Variants in HFM1 observed in about 807,000 individuals in gnomAD.
HFM1 encodes helicase for meiosis 1.
Under a neutral mutation model 192.1 loss-of-function variants are expected in HFM1, and 169 were observed. The ratio of observed to expected loss-of-function variants is 0.88; its 90% confidence interval spans 0.78 to 1.00. The LOEUF (loss-of-function observed/expected upper bound fraction) is 1.00, where lower values mean the gene tolerates loss of function less well. HFM1 is among the 50% of genes least tolerant of loss of function. The pLI is 0.00. For synonymous variants in HFM1, 525 were observed against 537.8 expected (o/e 0.98, Z 0.33); for missense variants, 1,661 against 1,668.0 (o/e 1.00, Z 0.07).
At chr1:91,396,264 G>A in intron 3 of HFM1, 29 bp downstream of exon 3, 1 of 1,114,406 alleles carries the variant, frequency 9.0e-7, no homozygotes, top group Non-Finnish European at 1.3e-6. Context: ...GTATGGGTTT[G>A]GCTTCAAAAC....
At chr1:91,272,684 A>G (rs1314004057) in intron 34 of HFM1, among the ~76,000 whole-genome samples, 1 of 152,084 alleles carries the variant, frequency 6.6e-6, no homozygotes, top group African/African-American at 2.4e-5. Context: ...AATGACATCC[A>G]GGCTTTGAAT....
intron 28 of HFM1, among the ~76,000 whole-genome samples, chr1:91,314,938 C>G (rs541112433): frequency 1.5e-4 from 23 of 152,090 alleles, no homozygotes; most frequent in Non-Finnish European, 2.6e-4. Context: ...ACCTTGCATG[C>G]GACTTTTTGG....
At chr1:91,305,286 T>C (rs1649432220) in intron 30 of HFM1, among the ~76,000 whole-genome samples, 1 of 152,270 alleles carries the variant, frequency 6.6e-6, no homozygotes, top group Admixed American at 6.5e-5. Context: ...CAATATTGAC[T>C]TTCAATCCAC....
rs922551936 is a variant in HFM1, at chr1:91,353,308, A to C, written c.1686-9T>G. On this transcript the variant is annotated splice_polypyrimidine_tract_variant and intron_variant, in intron 13 of 38. Coordinates refer to ENST00000370425, the MANE Select transcript of HFM1 (RefSeq NM_001017975.6). ...ATGCATACTTCTGTAACCTATTTAA[A>C]AATACCATAAAATTATTGAGTTACT... 2.1e-6 allele frequency: 3 copies of C among 1,462,178 alleles called. No individual in the cohort carries two copies. The highest frequency in any genetic ancestry group is 2.8e-6 in the Non-Finnish European group (3 of 1,056,576). The allele number at this position is 1,462,178 out of a possible 1,614,324, so 90.6% of individuals were successfully genotyped here.
In HFM1 at chr1:91,323,285, C is replaced by T. The variant is rs1324509154; in HGVS notation, c.2428-86G>A. On this transcript the variant is annotated intron_variant, in intron 21 of 38. Coordinates refer to ENST00000370425, the MANE Select transcript of HFM1 (RefSeq NM_001017975.6). ...TCTCCAAATTTATTTATTTTTCATA[C>T]TGCCTTAAACCATCACAGTTTTATC... 6.6e-6 allele frequency: 5 copies of T among 761,104 alleles called. No homozygotes were observed. The East Asian group carries it at 1.0e-4, about 16-fold the overall frequency. The allele number at this position is 761,104 out of a possible 1,614,324, so 47.1% of individuals were successfully genotyped here. A position where few individuals can be genotyped will look rare whatever the true frequency, so the allele number is the denominator to read the frequency against.
Position 91,352,515 on chromosome 1 carries a change from AC to A in HFM1, c.1967del (p.Gly656ValfsTer14). 1 of 1,581,852 alleles carries A rather than the reference AC, an allele frequency of 6.3e-7. No individual in the cohort carries two copies. The highest frequency in any genetic ancestry group is 8.6e-7 in the Non-Finnish European group (1 of 1,167,046). On this transcript the variant is annotated frameshift_variant, in exon 16 of 39. Coordinates refer to ENST00000370425, the MANE Select transcript of HFM1 (RefSeq NM_001017975.6). LOFTEE classifies it high-confidence loss of function. ...TDILQMIGRA[G>X]RPQFDTTATA... ...AGTTATTGTCACTTACTTGAGGTCGACCAGCTCTACCAATCATCTGTAGAAT... is the reference window on the plus strand; with the variant it reads ...AGTTATTGTCACTTACTTGAGGTCGACAGCTCTACCAATCATCTGTAGAAT...
intron 36 of HFM1, among the ~76,000 whole-genome samples, chr1:91,263,087 G>C (rs560626157): frequency 1.3e-4 from 20 of 152,094 alleles, no homozygotes; most frequent in Non-Finnish European, 2.6e-4. Context: ...ACTAGAAGCT[G>C]TGTATGAAGT....
intron 4 of HFM1, among the ~76,000 whole-genome samples, chr1:91,391,548 T>A (rs282014): frequency 0.89 from 136,137 of 152,234 alleles, 60,930 homozygotes; most frequent in Middle Eastern, 0.95. Flanking sequence ...TGGCTAGCCA[T>A]ATGTAGAAAG....
Position 91,324,684 on chromosome 1 carries a change from TA to T in HFM1, c.2417del (p.Leu806TyrfsTer7). ...KFYTISGKET[L>X]SDLVTLIAGC... is the part of the protein sequence containing the mutation. The stretch of plus-strand genomic sequence containing the variant: ...GTGAAAATTAATTTACCAGATCTGA[TA>T]AGGTTTCTTTTCCACTGATTGTATA... On this transcript the variant is annotated frameshift_variant, in exon 21 of 39. Coordinates refer to ENST00000370425, the MANE Select transcript of HFM1 (RefSeq NM_001017975.6). LOFTEE classifies it high-confidence loss of function. 1 of 1,413,914 alleles carries T rather than the reference TA, an allele frequency of 7.1e-7. No individual in the cohort carries two copies. Among genetic ancestry groups the T allele is most frequent in the Non-Finnish European group, 1.0e-6 (1 of 999,052 alleles). The allele number at this position is 1,413,914 out of a possible 1,614,324, so 87.6% of individuals were successfully genotyped here.
At chr1:91,319,484 T>C in intron 23 of HFM1, 94 bp from the exon 24 acceptor site, 1 of 737,528 alleles carries the variant, frequency 1.4e-6, no homozygotes, top group Non-Finnish European at 2.3e-6. Context: ...TCTTAAAACT[T>C]TTCTCTGCCT....
intron 11 of HFM1, chr1:91,377,677 T>G: frequency 4.4e-6 from 1 of 228,978 alleles, no homozygotes; most frequent in Admixed American, 5.9e-5. Context: ...AGCAATTATT[T>G]TTATTCTCCA....
At chr1:91,305,935 T>A (rs1013299347) in intron 30 of HFM1, among the ~76,000 whole-genome samples, 1 of 152,182 alleles carries the variant, frequency 6.6e-6, no homozygotes, top group Non-Finnish European at 1.5e-5. Context: ...ATAGAAATAA[T>A]AACACAGAGC....
At chr1:91,280,963 C>A (rs1045960500) in intron 30 of HFM1, among the ~76,000 whole-genome samples, 23 of 152,256 alleles carry the variant, frequency 1.5e-4, no homozygotes, top group African/African-American at 5.3e-4. Context: ...GACCATGTGA[C>A]CATATAGAAC....
At chr1:91,327,751 T>C (rs1227392794) in intron 20 of HFM1, among the ~76,000 whole-genome samples, 3 of 152,118 alleles carry the variant, frequency 2.0e-5, no homozygotes, top group African/African-American at 7.2e-5. Context: ...CTTAAAACAG[T>C]TTTAAAAATT....
intron 18 of HFM1, among the ~76,000 whole-genome samples, chr1:91,349,915 T>C (rs980644083): frequency 1.1e-4 from 17 of 152,336 alleles, no homozygotes; most frequent in African/African-American, 3.8e-4. Flanking sequence ...TACTTTTATA[T>C]GCAAGAATTA....
intron 18 of HFM1, 101 bp downstream of exon 18, chr1:91,350,637 C>T (rs1557893377): frequency 7.8e-6 from 8 of 1,029,382 alleles, no homozygotes; most frequent in South Asian, 7.8e-5. Context: ...GTTTTGTTAC[C>T]TATTAGTTTC....
At chr1:91,292,716 T>G (rs577321991) in intron 30 of HFM1, among the ~76,000 whole-genome samples, 1 of 151,986 alleles carries the variant, frequency 6.6e-6, no homozygotes, top group Admixed American at 6.6e-5. Flanking sequence ...AAAGTTCATA[T>G]GGAACAAAAA....
Position 91,352,574 on chromosome 1 carries a change from C to A in HFM1, c.1909G>T (p.Gly637Ter). The change falls in exon 16 of 39, where the codon GGA becomes TGA. Residue 637 changes from glycine (G) to a stop codon, truncating the protein, a stop_gained. Transcript: ENST00000370425. LOFTEE classifies it high-confidence loss of function. ...VVIKSTMHYA[G>*]GLFEEYSETD... ...TCACTGTACTCTTCAAACAGTCCTC[C>A]AGCATAATGCATTGTAGATTTTATA... The A allele has an allele frequency of 1.9e-6, 3 of 1,609,632 alleles. No individual in the cohort carries two copies. The highest frequency in any genetic ancestry group is 2.5e-6 in the Non-Finnish European group (3 of 1,177,208).
chr1:91,287,331 C>T (rs568136382), intron 30 of HFM1, among the ~76,000 whole-genome samples: 3 of 152,326 alleles, frequency 2.0e-5, no homozygotes, highest in Non-Finnish European at 2.9e-5. Context: ...GGCAGACTGC[C>T]TCCTCAAGTG....
Sources: allele counts gnomAD v4.1 joint callset (sites outside exome capture counted in the v4.1 genomes callset), GRCh38; gene constraint gnomAD v4.1.1; transcripts MANE v1.5; gene names NCBI Gene and HGNC (gene_info 2026-07-23, HGNC 2026-07-21).